The following DNAH8 variants were observed in gnomAD, a reference collection of about 807,000 sequenced individuals.
The protein encoded by DNAH8 is axonemal beta dynein heavy chain 8.
DNAH8 carries 382 observed loss-of-function variants against 562.1 expected under a neutral mutation model. The ratio of observed to expected loss-of-function variants is 0.68; its 90% CI spans 0.63 to 0.74. The LOEUF (loss-of-function observed/expected upper bound fraction) is 0.74. DNAH8 is among the 30% of genes least tolerant of loss of function. DNAH8 has a pLI of 0.00. For synonymous variants in DNAH8, 1,881 were observed against 1,919.4 expected, an observed-to-expected ratio of 0.98 and a Z score of 0.52; for missense variants, 5,203 against 5,620.4, an observed-to-expected ratio of 0.93 and a Z score of 2.37.
intron 57 of DNAH8, among the ~76,000 whole-genome samples, chr6:38,887,493 G>T (rs1779018453): frequency 6.6e-6 from 1 of 152,160 alleles, no homozygotes. Context: ...AATTGCTGGA[G>T]GCCAGGAGAT....
intron 24 of DNAH8, among the ~76,000 whole-genome samples, chr6:38,812,842 G>A (rs576143987): frequency 5.3e-5 from 8 of 152,138 alleles, no homozygotes; most frequent in Non-Finnish European, 8.8e-5. Flanking sequence ...ATCTCTGAGC[G>A]GAGTGACTCT....
chr6:38,836,334 C>T (rs1774290113), intron 32 of DNAH8, among the ~76,000 whole-genome samples: 1 of 151,896 alleles, frequency 6.6e-6, no homozygotes, highest in South Asian at 2.1e-4. Context: ...GTAATCCCAG[C>T]TACTCAGGAG....
chr6:38,781,858 G>A (rs926227315), intron 16 of DNAH8, among the ~76,000 whole-genome samples: 2 of 152,054 alleles, frequency 1.3e-5, no homozygotes, highest in South Asian at 4.2e-4. Flanking sequence ...TTAGATTTCT[G>A]AAAAACAGGA....
Position 38,860,621 on chromosome 6 carries a change from A to T in DNAH8, c.6123A>T (p.Leu2041Phe). 5 of 1,527,394 alleles carry T rather than the reference A, an allele frequency of 3.3e-6. No individual in the cohort carries two copies. The highest frequency in any genetic ancestry group is 3.5e-6 in the Non-Finnish European group (4 of 1,148,532). 94.6% of individuals were successfully genotyped at this position (1,527,394 alleles called of 1,614,324 possible). A position where few individuals can be genotyped will look rare whatever the true frequency, so the allele number is the denominator to read the frequency against. The change falls in exon 43 of 93, where the codon TTA (leucine) becomes TTT (phenylalanine). Residue 2041 changes from leucine to phenylalanine, a missense_variant. Transcript: ENST00000327475. The part of the protein sequence containing the change: ...GCTDRLVITP[L>F]TDRCYITLAQ... ...CTGATCGTCTTGTTATCACTCCATT[A>T]ACAGATAGGTAGGAAACCCAGTTTT...
At position 38,884,016 on chromosome 6, in the gene DNAH8, C is replaced by T; in HGVS notation, c.8259+18C>T. 1 of 1,457,126 alleles carries T rather than the reference C, an allele frequency of 6.9e-7. No homozygotes were observed. Among genetic ancestry groups the T allele is most frequent in the Non-Finnish European group, 9.1e-7 (1 of 1,097,178 alleles). 90.3% of individuals were successfully genotyped at this position (1,457,126 alleles called of 1,614,324 possible). A position where few individuals can be genotyped will look rare whatever the true frequency, so the allele number is the denominator to read the frequency against. The stretch of plus-strand genomic sequence containing the variant: ...GAGATCAGGTATGGCTGAAATATCT[C>T]ATATAGATGATCCTGAATTTGTATT... On this transcript the variant is annotated intron_variant, in intron 56 of 92. Transcript: ENST00000327475.
intron 82 of DNAH8, among the ~76,000 whole-genome samples, chr6:38,957,042 A>G (rs1013587388): frequency 3.3e-5 from 5 of 152,082 alleles, no homozygotes; most frequent in Non-Finnish European, 7.4e-5. Context: ...CCTACAAGAG[A>G]CTCATTTTAC....
intron 26 of DNAH8, among the ~76,000 whole-genome samples, chr6:38,821,909 C>T (rs1772886935): frequency 6.6e-6 from 1 of 152,144 alleles, no homozygotes; most frequent in Admixed American, 6.5e-5. Flanking sequence ...CAAGTTAGCC[C>T]TCATTATTAG....
intron 60 of DNAH8, among the ~76,000 whole-genome samples, chr6:38,896,619 A>G (rs1458737233): frequency 2.0e-5 from 3 of 151,596 alleles, no homozygotes; most frequent in Non-Finnish European, 2.9e-5. Flanking sequence ...AAAAACAAAA[A>G]AGAGAGAGAG....
intron 57 of DNAH8, among the ~76,000 whole-genome samples, chr6:38,889,598 T>A (rs778017448): frequency 2.0e-5 from 3 of 152,202 alleles, no homozygotes; most frequent in Non-Finnish European, 4.4e-5. Flanking sequence ...AAACTGAGCC[T>A]CAGAGAAGTG....
At chr6:38,776,099 TGTGA>T (rs1200674644) in intron 13 of DNAH8, 148 bp downstream of exon 13, 9 of 610,548 alleles carry the variant, frequency 1.5e-5, no homozygotes, top group East Asian at 8.1e-5. Flanking sequence ...ATATTTGCAG[TGTGA>T]GTAACTTTTA....
intron 3 of DNAH8, among the ~76,000 whole-genome samples, chr6:38,726,568 G>A (rs1699000): frequency 0.025 from 3,847 of 152,286 alleles, 160 homozygotes; most frequent in African/African-American, 0.084. Flanking sequence ...GGAAATGTAG[G>A]CATTAAGGAA....
chr6:38,988,004 A>G (rs1434223952), intron 87 of DNAH8, among the ~76,000 whole-genome samples: 1 of 152,084 alleles, frequency 6.6e-6, no homozygotes, highest in Non-Finnish European at 1.5e-5. Flanking sequence ...TTGCCTTCTG[A>G]CCAGCCACCT....
chr6:38,743,010 T>TGTGC (rs1764647012), intron 8 of DNAH8, among the ~76,000 whole-genome samples: 2 of 115,888 alleles, frequency 1.7e-5, no homozygotes, highest in Admixed American at 8.8e-5. Flanking sequence ...TGTTGTGCTT[T>TGTGC]TTTTTTTTTT....
At chr6:38,764,809 AT>A (rs1375486310) in intron 11 of DNAH8, 1 of 151,772 alleles carries the variant, frequency 6.6e-6, no homozygotes, top group Non-Finnish European at 1.5e-5. Flanking sequence ...TTTTTGAGAA[AT>A]GTCTTTTGAG....
At chr6:38,864,802 G>C (rs1776918216) in intron 45 of DNAH8, among the ~76,000 whole-genome samples, 1 of 152,104 alleles carries the variant, frequency 6.6e-6, no homozygotes, top group Non-Finnish European at 1.5e-5. Flanking sequence ...CCTCTGAAGT[G>C]GATATTATAT....
intron 26 of DNAH8, among the ~76,000 whole-genome samples, chr6:38,818,360 G>T (rs1225945329): frequency 6.6e-6 from 1 of 151,610 alleles, no homozygotes; most frequent in African/African-American, 2.4e-5. Context: ...AATCTCCTTG[G>T]ACTTATCAAC....
chr6:38,832,480 G>A (rs1773924620), intron 31 of DNAH8, 45 bp downstream of exon 31: 1 of 1,203,746 alleles, frequency 8.3e-7, no homozygotes. Flanking sequence ...GTTCTGTGAT[G>A]TGTTTATATG....
At position 39,030,106 on chromosome 6, in the gene DNAH8, A is replaced by T. The variant is rs375455553; in HGVS notation, c.13838A>T (p.Glu4613Val). Residue 4613 changes from glutamate to valine, a missense_variant and splice_region_variant, in exon 93 of 93, where the codon GAA (glutamate) becomes GTA (valine). Physicochemically the swap from Glu to Val is moderately radical, Grantham distance 121 (BLOSUM62 -2). Around this residue, in one of 6 missense-constraint regions of DNAH8, gnomAD observed 1,399 missense variants for 1,518.4 expected, o/e 0.92. Transcript: ENST00000327475. The stretch of plus-strand genomic sequence containing the variant: ...TTACCTTATGCTTGACTCTTCCAGG[A>T]AGGTGTGTATATTTATGGGCTCTAC... ...TKEEITSPPG[E>V]GVYIYGLYMD... The T allele has an allele frequency of 1.7e-5, 27 of 1,610,050 alleles. No individual in the cohort carries two copies. The highest frequency in any genetic ancestry group is 2.1e-5 in the Non-Finnish European group (25 of 1,177,248).
rs767539664 is a variant in DNAH8, at chr6:38,803,297, T to C, written c.3020T>C (p.Val1007Ala). 1 of 1,600,366 alleles carries C rather than the reference T, an allele frequency of 6.2e-7. No homozygotes were observed. Among genetic ancestry groups the C allele is most frequent in the Non-Finnish European group, 8.5e-7 (1 of 1,174,330 alleles). ...QIYEVKYTGK[V>A]GKQSEQRKHV... ...TATGAAGTGAAATACACTGGGAAAG[T>C]AGGAAAACAGTCAGGTAACTTTTCT... The change falls in exon 22 of 93, where the codon GTA becomes GCA. Residue 1007 changes from valine (V) to alanine (A), a missense_variant. By Grantham distance (64) the Val-to-Ala change is moderately conservative. Coordinates refer to ENST00000327475, the MANE Select transcript of DNAH8 (RefSeq NM_001206927.2).
Sources: allele counts gnomAD v4.1 joint callset (sites outside exome capture counted in the v4.1 genomes callset), GRCh38; gene constraint gnomAD v4.1.1; regional missense constraint gnomAD v4.1.1; transcripts MANE v1.5; gene names NCBI Gene and HGNC (gene_info 2026-07-23, HGNC 2026-07-21).